Variants in WAC observed in about 807,000 individuals in gnomAD.
WAC encodes the protein WW domain-containing adapter protein with coiled-coil.
WAC carries 11 observed loss-of-function variants against 79.6 expected under a neutral mutation model. That is an observed-to-expected ratio of 0.14 (90% CI 0.09 to 0.23). The LOEUF (loss-of-function observed/expected upper bound fraction) is 0.23. Among genes scored for constraint, WAC ranks in the 10% least tolerant of loss-of-function variants. The pLI, the probability that WAC is intolerant of heterozygous loss-of-function variation, is 1.00. For synonymous variants in WAC, 304 were observed against 276.9 expected (o/e 1.10, Z -0.97); for missense variants, 728 against 773.5 (o/e 0.94, Z 0.70).
intron 2 of WAC, chr10:28,534,374 T>C (rs1012317592): frequency 3.6e-6 from 1 of 276,188 alleles, no homozygotes; most frequent in African/African-American, 2.2e-5. Context: ...TTTATTTATT[T>C]ATTGTGTTGG....
rs750941388 is a variant in WAC at position 28,559,135 on chromosome 10, G to GGTGTGTGTGTGTGTGTGT, written c.274+23378_274+23379insGTGTGTGTGTGTGTGTGT. On this transcript the variant is annotated intron_variant, in intron 3 of 13. Coordinates refer to ENST00000354911, the MANE Select transcript of WAC (RefSeq NM_016628.5). ...TTAAATCTCTGCTCTCGAGAAACCT[G>GGTGTGTGTGTGTGTGTGT]ATGTGTGTGTGTGTGTGTGTGTGTG... Among the ~76,000 whole-genome samples, 527 of 64,786 alleles carry GGTGTGTGTGTGTGTGTGT rather than the reference G, an allele frequency of 8.1e-3. 1 individual carries two copies. Among genetic ancestry groups the GGTGTGTGTGTGTGTGTGT allele is most frequent in the African/African-American group, 0.034 (447 of 13,340 alleles). The allele number at this position is 64,786 out of a possible 152,430, so 42.5% of individuals were successfully genotyped here.
intron 1 of WAC, 31 bp downstream of exon 1, chr10:28,533,651 G>A (rs770948360): frequency 1.3e-6 from 2 of 1,567,894 alleles, no homozygotes; most frequent in East Asian, 2.4e-5. Flanking sequence ...GGGCCGGGCG[G>A]CGGCGGGGGG....
intron 3 of WAC, among the ~76,000 whole-genome samples, chr10:28,552,868 T>TG (rs1491328730): frequency 1.1e-5 from 1 of 86,986 alleles, no homozygotes; most frequent in East Asian, 4.0e-4. Context: ...TTTTTTTTTT[T>TG]GTCTTCTTGG....
intron 3 of WAC, among the ~76,000 whole-genome samples, chr10:28,541,748 T>C (rs1471287432): frequency 1.3e-5 from 2 of 152,174 alleles, no homozygotes; most frequent in African/African-American, 4.8e-5. Context: ...AGGAAGTCTC[T>C]TCACATAAAA....
rs199558377 is a variant in WAC at position 28,616,371 on chromosome 10, T to C, written c.1746+9T>C. ...ATCATGCAGAGAAGCAGGTATGTTA[T>C]GTACAGCCTAGATTTTACCTTTGGA... is the stretch of plus-strand genomic sequence containing the variant. On this transcript the variant is annotated intron_variant, in intron 12 of 13. Transcript: ENST00000354911. 4.5e-6 allele frequency: 7 copies of C among 1,571,626 alleles called. No individual in the cohort carries two copies. The highest frequency in any genetic ancestry group is 3.6e-5 in the Admixed American group (2 of 55,432).
At chr10:28,586,197 A>G (rs1303233252) in intron 4 of WAC, among the ~76,000 whole-genome samples, 2 of 152,212 alleles carry the variant, frequency 1.3e-5, no homozygotes, top group Non-Finnish European at 2.9e-5. Context: ...GATTTTTTAA[A>G]ATCAAGTTAA....
chr10:28,535,295 A>C (rs1836576977), intron 2 of WAC: 1 of 282,558 alleles, frequency 3.5e-6, no homozygotes. Context: ...TATTTTTTGC[A>C]GAATCAGTGT....
intron 7 of WAC, among the ~76,000 whole-genome samples, chr10:28,607,197 C>T (rs578191376): frequency 2.2e-4 from 33 of 152,150 alleles, no homozygotes; most frequent in Non-Finnish European, 4.3e-4. Context: ...CTTTACACAT[C>T]TGCTTGGTGT....
rs192258353 is a variant in WAC at position 28,571,232 on chromosome 10, T to A, written c.275-12167T>A. The stretch of plus-strand genomic sequence containing the variant: ...GGCGTGAGCCACCATGCCTGGCCCT[T>A]AAATATATACTTTTCATGTGCTTTT... On this transcript the variant is annotated intron_variant, in intron 3 of 13. Transcript: ENST00000354911. Among the ~76,000 whole-genome samples the A allele has an allele frequency of 4.0e-3, 603 of 152,222 alleles. 12 individuals are homozygous for A. The highest frequency in any genetic ancestry group is 1.5e-3 in the East Asian group (8 of 5,172).
rs1292643859 is a variant in WAC at position 28,619,882 on chromosome 10, C to T, written c.*276C>T. The T allele has an allele frequency of 2.1e-5, 5 of 242,812 alleles. No homozygotes were observed. The highest frequency in any genetic ancestry group is 9.1e-5 in the African/African-American group (4 of 43,868). The allele number at this position is 242,812 out of a possible 1,614,324, so 15.0% of individuals were successfully genotyped here. A position where few individuals can be genotyped will look rare whatever the true frequency, so the allele number is the denominator to read the frequency against. On this transcript the variant is annotated 3_prime_UTR_variant, in exon 14 of 14. Coordinates refer to ENST00000354911, the MANE Select transcript of WAC (RefSeq NM_016628.5). The stretch of plus-strand genomic sequence containing the variant: ...GAAGCCATGTGTAACAGAGCTTAGA[C>T]ATCCAAAACTAATCAATGCTGAGGT...
chr10:28,590,650 G>C (rs1840036590), intron 5 of WAC, 70 bp from the exon 6 acceptor site: 2 of 1,302,686 alleles, frequency 1.5e-6, no homozygotes, highest in African/African-American at 3.0e-5. Flanking sequence ...CATTTGGCCA[G>C]AGCTGTTTAG....
Position 28,546,777 on chromosome 10 carries a change from C to CTTT in WAC, c.274+11021_274+11023dup, listed in dbSNP as rs532539996. Among the ~76,000 whole-genome samples the CTTT allele has an allele frequency of 1.5e-3, 220 of 151,524 alleles. 2 individuals carry two copies. The highest frequency in any genetic ancestry group is 5.1e-3 in the African/African-American group (212 of 41,352). ...CATGTAAATTTTGTGAACTTTGCTGCTTTGTTCATATTGCATAGGTTTTGA... is the reference window on the plus strand; with the variant it reads ...CATGTAAATTTTGTGAACTTTGCTGCTTTTTTGTTCATATTGCATAGGTTTTGA... On this transcript the variant is annotated intron_variant, in intron 3 of 13. Coordinates refer to ENST00000354911, the MANE Select transcript of WAC (RefSeq NM_016628.5).
chr10:28,582,551 C>T (rs1393041809), intron 3 of WAC, among the ~76,000 whole-genome samples: 2 of 152,074 alleles, frequency 1.3e-5, no homozygotes, highest in Non-Finnish European at 2.9e-5. Flanking sequence ...AGTGTAGCCT[C>T]CATGCCACTC....
intron 10 of WAC, among the ~76,000 whole-genome samples, chr10:28,613,855 G>T (rs1841356470): frequency 6.6e-6 from 1 of 151,996 alleles, no homozygotes; most frequent in Non-Finnish European, 1.5e-5. Flanking sequence ...ATCCTGATTG[G>T]CAATCATGGA....
At chr10:28,571,119 G>A (rs1011392007) in intron 3 of WAC, among the ~76,000 whole-genome samples, 3 of 151,662 alleles carry the variant, frequency 2.0e-5, no homozygotes, top group African/African-American at 7.3e-5. Context: ...CACCACACCT[G>A]GGGTTTCGCC....
intron 6 of WAC, 83 bp downstream of exon 6, chr10:28,590,915 A>G (rs777909302): frequency 5.1e-6 from 5 of 985,870 alleles, no homozygotes; most frequent in Non-Finnish European, 4.6e-6. Flanking sequence ...TGCCATCTAC[A>G]TATGTAAATT....
intron 6 of WAC, among the ~76,000 whole-genome samples, chr10:28,592,639 AAATGAGT>A (rs1840152506): frequency 1.3e-5 from 2 of 152,184 alleles, no homozygotes; most frequent in African/African-American, 4.8e-5. Context: ...AGAAAAAAGA[AAATGAGT>A]GATGAGTGAT....
intron 7 of WAC, among the ~76,000 whole-genome samples, chr10:28,602,815 G>A (rs777039454): frequency 5.9e-5 from 9 of 152,084 alleles, no homozygotes; most frequent in Non-Finnish European, 1.2e-4. Flanking sequence ...ATTTTTATGC[G>A]TCTAGTCTTT....
At chr10:28,613,083 A>G (rs1219949723) in intron 10 of WAC, among the ~76,000 whole-genome samples, 1 of 152,158 alleles carries the variant, frequency 6.6e-6, no homozygotes, top group Non-Finnish European at 1.5e-5. Flanking sequence ...TGGGCAATAT[A>G]GCAAGACCCC....
Sources: gnomAD v4.1 joint callset for allele counts (sites outside exome capture counted in the v4.1 genomes callset) on GRCh38, gnomAD v4.1.1 for gene constraint, MANE v1.5 for transcripts, NCBI Gene and HGNC (gene_info 2026-07-23, HGNC 2026-07-21) for gene names.